GRIP1: variants seen among roughly 807,000 people sequenced by gnomAD.
GRIP1 encodes the protein glutamate receptor-interacting protein 1.
GRIP1 carries 45 observed loss-of-function variants against 129.9 expected under a neutral mutation model. That is an observed-to-expected ratio of 0.35 (90% CI 0.27 to 0.44). GRIP1 has a LOEUF of 0.44. GRIP1 is among the 20% of genes least tolerant of loss of function. GRIP1 has a pLI of 1.00. For missense variants in GRIP1, 1,196 were observed against 1,396.8 expected (o/e 0.86, Z 2.29); for synonymous variants, 530 against 520.8 (o/e 1.02, Z -0.24).
At chr12:66,723,306 T>TC (rs2036147314) in intron 1 of GRIP1, among the ~76,000 whole-genome samples, 1 of 33,622 alleles carries the variant, frequency 3.0e-5, no homozygotes, top group African/African-American at 1.2e-4. Flanking sequence ...CTTTCTTTCT[T>TC]TTTTTTTTTT....
At chr12:66,466,649 C>A (rs2059295486) in intron 7 of GRIP1, among the ~76,000 whole-genome samples, 1 of 152,170 alleles carries the variant, frequency 6.6e-6, no homozygotes, top group South Asian at 2.1e-4. Context: ...ACAATGGTAT[C>A]TTTTCCACAG....
intron 14 of GRIP1, among the ~76,000 whole-genome samples, chr12:66,422,292 T>C (rs1230722144): frequency 6.6e-6 from 1 of 152,230 alleles, no homozygotes; most frequent in Admixed American, 6.5e-5. Flanking sequence ...TTAATCATTA[T>C]TCTTAGCTTC....
At chr12:66,587,408 A>G (rs1237867696) in intron 2 of GRIP1, among the ~76,000 whole-genome samples, 2 of 152,134 alleles carry the variant, frequency 1.3e-5, no homozygotes, top group African/African-American at 4.8e-5. Flanking sequence ...CACACTCTCT[A>G]CTGTTTACAC....
chr12:66,544,342 A>G (rs1265636960), intron 2 of GRIP1, among the ~76,000 whole-genome samples: 1 of 152,172 alleles, frequency 6.6e-6, no homozygotes, highest in Non-Finnish European at 1.5e-5. Context: ...GAGCCAGACA[A>G]TAAAACTCAA....
At chr12:66,392,240 G>A (rs1422644885) in intron 19 of GRIP1, 68 bp downstream of exon 19, 12 of 920,878 alleles carry the variant, frequency 1.3e-5, no homozygotes, top group Non-Finnish European at 2.0e-5. Context: ...ATGGAGCAGA[G>A]GATGAATCTT....
At chr12:66,776,905 T>C (rs75836606) in intron 1 of GRIP1, among the ~76,000 whole-genome samples, 1 of 152,126 alleles carries the variant, frequency 6.6e-6, no homozygotes, top group Non-Finnish European at 1.5e-5. Context: ...AAATTAAAAA[T>C]AGACATTGTA....
intron 1 of GRIP1, among the ~76,000 whole-genome samples, chr12:66,995,795 A>C (rs1352972208): frequency 6.6e-6 from 1 of 152,210 alleles, no homozygotes; most frequent in Non-Finnish European, 1.5e-5. Flanking sequence ...CACAGCTACC[A>C]TATGACACTG....
rs754322275 is a variant in GRIP1 at position 66,541,933 on chromosome 12, T to A, written c.154A>T (p.Thr52Ser). The change falls in exon 3 of 25, where the codon ACA (threonine) becomes TCA (serine). Residue 52 changes from threonine to serine, a missense_variant. By Grantham distance (58) the Thr-to-Ser change is moderately conservative. Coordinates refer to ENST00000359742, the MANE Select transcript of GRIP1 (RefSeq NM_001366722.1). Reference sequence around the variant, plus strand: ...TCCTTCTTCATCAGCTCGACGACTGTGGAGCCCTTGAATTCCTCTGTTAAA... The same window carrying A: ...TCCTTCTTCATCAGCTCGACGACTGAGGAGCCCTTGAATTCCTCTGTTAAA... ...QSIPEEFKGSTVVELMKKEGT... is the reference protein window; with the variant it reads ...QSIPEEFKGSSVVELMKKEGT... 7.4e-6 allele frequency: 12 copies of A among 1,614,028 alleles called. No homozygotes were observed. In the East Asian group the frequency reaches 2.7e-4, roughly 36 times the overall value.
At chr12:66,678,515 T>C (rs1206655817) in intron 1 of GRIP1, among the ~76,000 whole-genome samples, 1 of 152,126 alleles carries the variant, frequency 6.6e-6, no homozygotes, top group Admixed American at 6.6e-5. Flanking sequence ...ACTTGACTCC[T>C]TTTGGCCAGT....
intron 15 of GRIP1, among the ~76,000 whole-genome samples, chr12:66,411,947 G>A (rs1220588637): frequency 2.0e-5 from 3 of 152,078 alleles, no homozygotes; most frequent in Admixed American, 2.0e-4. Flanking sequence ...GAATAAAAAG[G>A]AATAAACAAA....
At chr12:66,676,246 T>C (rs1168706008) in intron 1 of GRIP1, among the ~76,000 whole-genome samples, 4 of 152,188 alleles carry the variant, frequency 2.6e-5, no homozygotes, top group African/African-American at 9.7e-5. Context: ...ATGTATTAGA[T>C]ATATGAAGAA....
At chr12:66,775,343 C>T (rs910553996) in intron 1 of GRIP1, among the ~76,000 whole-genome samples, 3 of 152,140 alleles carry the variant, frequency 2.0e-5, no homozygotes, top group East Asian at 1.9e-4. Flanking sequence ...TTAAAATACA[C>T]GTGAGAGGAG....
rs61928460 is a variant in GRIP1 at position 66,525,663 on chromosome 12, G to A, written c.502+4168C>T. ...TCTCACCACTCCTATTAAACGTAGT[G>A]TTGGAAGTTCTGGCCAGGGCAATTA... On this transcript the variant is annotated intron_variant, in intron 5 of 24. Coordinates refer to ENST00000359742, the MANE Select transcript of GRIP1 (RefSeq NM_001366722.1). Among the ~76,000 whole-genome samples the A allele has an allele frequency of 4.5e-3, 678 of 150,096 alleles. 3 individuals carry two copies. Among genetic ancestry groups the A allele is most frequent in the East Asian group, 0.042 (194 of 4,614 alleles).
At chr12:66,623,378 C>T (rs548342174) in intron 1 of GRIP1, among the ~76,000 whole-genome samples, 3 of 152,236 alleles carry the variant, frequency 2.0e-5, no homozygotes, top group South Asian at 2.1e-4. Flanking sequence ...AGCACAGAGA[C>T]GTTAAGTAGC....
intron 5 of GRIP1, among the ~76,000 whole-genome samples, chr12:66,527,356 A>G (rs1435650349): frequency 6.6e-6 from 1 of 152,106 alleles, no homozygotes; most frequent in Non-Finnish European, 1.5e-5. Context: ...ATAAAAAATG[A>G]TGAGTTCATG....
chr12:66,462,995 G>T lies in GRIP1; in HGVS notation c.971C>A (p.Thr324Asn), dbSNP rs1679955650. The change falls in exon 9 of 25, where the codon ACC becomes AAC. Residue 324 changes from threonine to asparagine, a missense_variant. Physicochemically the swap from Thr to Asn is moderately conservative, Grantham distance 65. Coordinates refer to ENST00000359742, the MANE Select transcript of GRIP1 (RefSeq NM_001366722.1). ...LAEATQFLAN[T>N]TDQVKLEILP... is the part of the protein sequence containing the mutation. ...GATCTCAAGCTTGACCTGGTCAGTG[G>T]TGTTGGCCAGGAACTGGGTTGCTTC... The T allele has an allele frequency of 6.2e-7, 1 of 1,613,950 alleles. No homozygotes were observed. Among genetic ancestry groups the T allele is most frequent in the Non-Finnish European group, 8.5e-7 (1 of 1,179,882 alleles).
chr12:66,923,319 TG>T (rs980403016), intron 1 of GRIP1, among the ~76,000 whole-genome samples: 3 of 152,138 alleles, frequency 2.0e-5, no homozygotes, highest in African/African-American at 7.2e-5. Flanking sequence ...GCACTCCATC[TG>T]GGCAACAGAG....
At chr12:66,731,460 C>T (rs2036434492) in intron 1 of GRIP1, among the ~76,000 whole-genome samples, 2 of 152,136 alleles carry the variant, frequency 1.3e-5, no homozygotes, top group African/African-American at 4.8e-5. Context: ...AGAGCATTTA[C>T]TGTTAAGTAA....
chr12:66,425,222 T>A (rs112203880), intron 14 of GRIP1, among the ~76,000 whole-genome samples: 27 of 152,274 alleles, frequency 1.8e-4, no homozygotes, highest in African/African-American at 5.8e-4. Flanking sequence ...GCTTCCAGAG[T>A]TGTTGTTGAA....
Sources: allele counts gnomAD v4.1 joint callset (sites outside exome capture counted in the v4.1 genomes callset), GRCh38; gene constraint gnomAD v4.1.1; transcripts MANE v1.5; gene names NCBI Gene and HGNC (gene_info 2026-07-23, HGNC 2026-07-21).